PRPF4: variants seen among roughly 807,000 people sequenced by gnomAD.
PRPF4 encodes the protein pre-mRNA splicing tri-snRNP complex factor PRPF4.
A neutral mutation model predicts 72.2 loss-of-function variants in PRPF4; 14 were observed. The ratio of observed to expected loss-of-function variants is 0.19; its 90% CI spans 0.13 to 0.30. PRPF4 has a LOEUF of 0.30. Ranked by LOEUF, PRPF4 falls within the 10% of genes least tolerant of loss-of-function variation. The probability of loss-of-function intolerance (pLI) is 1.00; values close to 1 mark genes in which losing one functional copy is unlikely to be tolerated. For missense variants in PRPF4, 478 were observed against 653.9 expected (o/e 0.73, Z 2.93); for synonymous variants, 225 against 232.2 (o/e 0.97, Z 0.28).
rs1203592550 is a variant in PRPF4 at position 113,290,732 on chromosome 9, T to A, written c.1178T>A (p.Leu393Gln). The change falls in exon 12 of 14, where the codon CTA becomes CAA. Residue 393 changes from leucine (L) to glutamine (Q), a missense_variant. By Grantham distance (113) the Leu-to-Gln change is moderately radical. Transcript: ENST00000374198. The part of the protein sequence containing the change: ...GLDAFGRVWD[L>Q]RTGRCIMFLE... ...GATGCATTTGGTCGAGTTTGGGACCTACGCACAGGACGTTGTATCATGTTC... is the reference window on the plus strand; with the variant it reads ...GATGCATTTGGTCGAGTTTGGGACCAACGCACAGGACGTTGTATCATGTTC... 1 of 1,614,214 alleles carries A rather than the reference T, an allele frequency of 6.2e-7. No homozygotes were observed. The highest frequency in any genetic ancestry group is 1.3e-5 in the African/African-American group (1 of 75,044).
chr9:113,279,474 C>A (rs1246972814), intron 3 of PRPF4, among the ~76,000 whole-genome samples: 1 of 152,198 alleles, frequency 6.6e-6, no homozygotes, highest in Non-Finnish European at 1.5e-5. Context: ...AGCGATTTTC[C>A]TGCCTCAGCC....
chr9:113,282,718 A>G lies in PRPF4; in HGVS notation c.465A>G (p.Lys155=), dbSNP rs11552582. The part of the protein sequence containing the change: ...KKTKKDDEKS[K]KSKEEYQQTW... ...CCAAAAAGGATGATGAGAAGTCTAA[A>G]AAGTCCAAAGAAGAGGTAGAACATG... The change falls in exon 4 of 14, where the codon AAA becomes AAG. Residue 155 remains lysine, a synonymous_variant. Coordinates refer to ENST00000374198, the MANE Select transcript of PRPF4 (RefSeq NM_001244926.2). 573,700 of 1,603,410 alleles carry G rather than the reference A, an allele frequency of 0.36. 106,119 individuals are homozygous for G. The highest frequency in any genetic ancestry group is 0.52 in the South Asian group (46,704 of 90,652).
chr9:113,275,754 C>G lies in PRPF4; in HGVS notation c.11C>G (p.Ser4Trp). The G allele has an allele frequency of 6.8e-6, 11 of 1,612,356 alleles. No individual in the cohort carries two copies. The highest frequency in any genetic ancestry group is 9.3e-6 in the Non-Finnish European group (11 of 1,179,278). Residue 4 changes from serine (S) to tryptophan (W), a missense_variant, in exon 1 of 14, where the codon TCG (serine) becomes TGG (tryptophan). Transcript: ENST00000374198. ...GCTCCAGAGCCCAGCATGGCTTCCT[C>G]GCGAGCCTCTTCCACGGTACAGAGC... The part of the protein sequence containing the change: MAS[S>W]RASSTATKTK...
At chr9:113,286,670 G>C in intron 8 of PRPF4, 35 bp from the exon 9 acceptor site, 1 of 1,613,822 alleles carries the variant, frequency 6.2e-7, no homozygotes, top group South Asian at 1.1e-5. Flanking sequence ...AAAGAGGCAG[G>C]AACCTTTTAA....
In PRPF4 at chr9:113,291,982, G is replaced by A. The variant is rs1832621167; in HGVS notation, c.*322G>A. 5.8e-6 allele frequency: 1 copy of A among 172,178 alleles called. No homozygotes were observed. Among genetic ancestry groups the A allele is most frequent in the African/African-American group, 2.4e-5 (1 of 42,100 alleles). The allele number at this position is 172,178 out of a possible 1,614,324, so 10.7% of individuals were successfully genotyped here. ...AATCCTAGCACTTTGGGAGGCCGAGGTGGGTAGATCGCTTGAGCTCAGGAG... is the reference window on the plus strand; with the variant it reads ...AATCCTAGCACTTTGGGAGGCCGAGATGGGTAGATCGCTTGAGCTCAGGAG... On this transcript the variant is annotated 3_prime_UTR_variant, in exon 14 of 14. Coordinates refer to ENST00000374198, the MANE Select transcript of PRPF4 (RefSeq NM_001244926.2).
intron 3 of PRPF4, among the ~76,000 whole-genome samples, chr9:113,281,910 T>TG (rs1427866135): frequency 6.6e-6 from 1 of 152,216 alleles, no homozygotes; most frequent in African/African-American, 2.4e-5. Context: ...TACTCTCTGT[T>TG]GTTTCCCCAG....
rs183034680 is a variant in PRPF4, at chr9:113,283,164, T to C, written c.513T>C (p.Asn171=). 1.9e-6 allele frequency: 3 copies of C among 1,614,228 alleles called. No homozygotes were observed. Among genetic ancestry groups the C allele is most frequent in the African/African-American group, 1.3e-5 (1 of 75,058 alleles). Residue 171 remains asparagine, a synonymous_variant, in exon 5 of 14, where the codon AAT becomes AAC. Transcript: ENST00000374198. The part of the protein sequence containing the change: ...YQQTWYHEGP[N]SLKVARLWIA... ...AAACCTGGTATCATGAAGGACCAAA[T>C]AGCTTGAAGGTGGCAAGACTATGGA...
chr9:113,283,881 A>T (rs1033095725), intron 6 of PRPF4, among the ~76,000 whole-genome samples: 4 of 152,138 alleles, frequency 2.6e-5, no homozygotes, highest in African/African-American at 9.7e-5. Context: ...CAGCCTGGTC[A>T]ACATGGTGAA....
chr9:113,282,445 C>T (rs941835399), intron 3 of PRPF4, among the ~76,000 whole-genome samples: 12 of 151,032 alleles, frequency 7.9e-5, no homozygotes, highest in African/African-American at 2.9e-4. Flanking sequence ...GCACTCCACC[C>T]TGGGCAACAA....
chr9:113,288,217 G>A lies in PRPF4; in HGVS notation c.975G>A (p.Val325=). Residue 325 remains valine, a synonymous_variant, in exon 10 of 14, where the codon GTG becomes GTA. Transcript: ENST00000374198. ...ATATTGAAGGCCATACAGTGCGTGTGGCGCGGGTAATGTGGCATCCTTCAG... is the reference window on the plus strand; with the variant it reads ...ATATTGAAGGCCATACAGTGCGTGTAGCGCGGGTAATGTGGCATCCTTCAG... ...VADIEGHTVR[V]ARVMWHPSGR... 1.2e-6 allele frequency: 2 copies of A among 1,614,246 alleles called. No homozygotes were observed. The highest frequency in any genetic ancestry group is 8.5e-7 in the Non-Finnish European group (1 of 1,180,044).
At chr9:113,284,159 A>G (rs1832365480) in intron 6 of PRPF4, 136 bp from the exon 7 acceptor site, 2 of 620,384 alleles carry the variant, frequency 3.2e-6, no homozygotes, top group Non-Finnish European at 5.6e-6. Context: ...AACAGCAGCA[A>G]CAAAACCATA....
At chr9:113,286,412 G>T in intron 8 of PRPF4, 122 bp downstream of exon 8, 2 of 1,033,100 alleles carry the variant, frequency 1.9e-6, no homozygotes, top group Admixed American at 3.8e-5. Context: ...GATTTGACTT[G>T]GTTTTCTCTG....
chr9:113,279,140 T>G lies in PRPF4; in HGVS notation c.392+9T>G. 3 of 1,594,106 alleles carry G rather than the reference T, an allele frequency of 1.9e-6. No homozygotes were observed. Among genetic ancestry groups the G allele is most frequent in the Non-Finnish European group, 2.6e-6 (3 of 1,171,442 alleles). Reference sequence around the variant, plus strand: ...GCTGAAAGAAGAGAAAGGTTGCCTTTCTAAATATTTACTTTTTTTCTTTAT... The same window carrying G: ...GCTGAAAGAAGAGAAAGGTTGCCTTGCTAAATATTTACTTTTTTTCTTTAT... On this transcript the variant is annotated intron_variant, in intron 3 of 13. Coordinates refer to ENST00000374198, the MANE Select transcript of PRPF4 (RefSeq NM_001244926.2).
chr9:113,278,555 C>G (rs1325464289), intron 2 of PRPF4, among the ~76,000 whole-genome samples: 3 of 152,218 alleles, frequency 2.0e-5, no homozygotes, highest in African/African-American at 4.8e-5. Context: ...TTAAGTATCC[C>G]TATACTGGGT....
chr9:113,281,210 T>C (rs1365226018), intron 3 of PRPF4, among the ~76,000 whole-genome samples: 1 of 152,184 alleles, frequency 6.6e-6, no homozygotes, highest in South Asian at 2.1e-4. Context: ...TCTTATTCTT[T>C]CGTTTCAGCA....
chr9:113,279,751 C>T (rs935397734), intron 3 of PRPF4, among the ~76,000 whole-genome samples: 1 of 152,064 alleles, frequency 6.6e-6, no homozygotes, highest in African/African-American at 2.4e-5. Context: ...CTCCCCAGTG[C>T]GAGTTTTGAA....
Position 113,283,468 on chromosome 9 carries a change from C to T in PRPF4, c.640C>T (p.His214Tyr), listed in dbSNP as rs200218087. The T allele has an allele frequency of 5.6e-6, 9 of 1,613,960 alleles. No homozygotes were observed. Among genetic ancestry groups the T allele is most frequent in the Non-Finnish European group, 5.9e-6 (7 of 1,179,988 alleles). The change falls in exon 6 of 14, where the codon CAC (histidine) becomes TAC (tyrosine). Residue 214 changes from histidine (H) to tyrosine (Y), a missense_variant. By Grantham distance (83) the His-to-Tyr change is moderately conservative. Transcript: ENST00000374198. Reference sequence around the variant, plus strand: ...AAGGACCTCCCAGATGCAAGAGCTGCACAAGTCTCTCCGGGTAAGATGCTC... The same window carrying T: ...AAGGACCTCCCAGATGCAAGAGCTGTACAAGTCTCTCCGGGTAAGATGCTC... The part of the protein sequence containing the change: ...TTRTSQMQEL[H>Y]KSLRSLNNFC...
chr9:113,277,196 T>A (rs1832135093), intron 2 of PRPF4, among the ~76,000 whole-genome samples: 1 of 152,172 alleles, frequency 6.6e-6, no homozygotes, highest in Admixed American at 6.5e-5. Flanking sequence ...TTTCTTACAA[T>A]CTGTTATATA....
intron 7 of PRPF4, among the ~76,000 whole-genome samples, chr9:113,285,132 TC>T (rs1441495222): frequency 6.6e-6 from 1 of 151,520 alleles, no homozygotes. Context: ...GCTTCACAGG[TC>T]TGTTAGAAAG....
Sources: gnomAD v4.1 joint callset for allele counts (sites outside exome capture counted in the v4.1 genomes callset) on GRCh38, gnomAD v4.1.1 for gene constraint, MANE v1.5 for transcripts, NCBI Gene and HGNC (gene_info 2026-07-23, HGNC 2026-07-21) for gene names.